TRAPPC10: variants seen among roughly 807,000 people sequenced by gnomAD.
TRAPPC10 encodes the protein trafficking protein particle complex subunit 10.
A neutral mutation model predicts 125.5 loss-of-function variants in TRAPPC10; 23 were observed. The observed-to-expected ratio is 0.18, with a 90% confidence interval of 0.13 to 0.26. The LOEUF is 0.26. TRAPPC10 is among the 10% of genes least tolerant of loss of function. The pLI is 1.00. For synonymous variants in TRAPPC10, 509 were observed against 518.0 expected, an observed-to-expected ratio of 0.98 and a Z score of 0.24; for missense variants, 1,123 against 1,308.4, an observed-to-expected ratio of 0.86 and a Z score of 2.19.
chr21:44,086,939 G>T lies in TRAPPC10; in HGVS notation c.2518G>T (p.Val840Leu). The T allele has an allele frequency of 6.2e-7, 1 of 1,614,158 alleles. No homozygotes were observed. Among genetic ancestry groups the T allele is most frequent in the Non-Finnish European group, 8.5e-7 (1 of 1,180,018 alleles). Residue 840 changes from valine to leucine, a missense_variant, in exon 16 of 23, where the codon GTG (valine) becomes TTG (leucine). Coordinates refer to ENST00000291574, the MANE Select transcript of TRAPPC10 (RefSeq NM_003274.5). ...CCTGTGCCAGGCGGAGAGCAGGGCT[G>T]TGGTCTACTCCAACACGAGAGGTGA... ...LILCQAESRA[V>L]VYSNTREQSS...
At chr21:44,062,464 T>C (rs949968049) in intron 6 of TRAPPC10, 2 of 838,730 alleles carry the variant, frequency 2.4e-6, no homozygotes, top group Admixed American at 6.2e-5. Context: ...GATAGGGCAC[T>C]GGAGTGGCCT....
In TRAPPC10 at chr21:44,063,449, C is replaced by G; in HGVS notation, c.791-89C>G. The G allele has an allele frequency of 6.5e-7, 1 of 1,540,030 alleles. No individual in the cohort carries two copies. ...ATAGAAAAACTGGTTATGAAGCTGC[C>G]TGTTTGCCCACCATCCTCAGCCTGA... is the stretch of plus-strand genomic sequence containing the variant. On this transcript the variant is annotated intron_variant, in intron 6 of 22. Transcript: ENST00000291574. This position sits in a 1 kb window ranked among gnomAD's most constrained non-coding sequence, Gnocchi z 4.4.
intron 20 of TRAPPC10, among the ~76,000 whole-genome samples, chr21:44,095,277 C>T (rs2038851025): frequency 1.3e-5 from 2 of 151,358 alleles, no homozygotes; most frequent in South Asian, 4.2e-4. Context: ...CGGAGTTTCA[C>T]ACTTGTTGCC....
intron 7 of TRAPPC10, among the ~76,000 whole-genome samples, chr21:44,069,449 TA>T (rs2036691485): frequency 1.3e-5 from 2 of 152,154 alleles, no homozygotes; most frequent in African/African-American, 2.4e-5. Context: ...AAGCCATTAT[TA>T]ATGAAGTACC....
intron 3 of TRAPPC10, among the ~76,000 whole-genome samples, chr21:44,050,410 G>T (rs2035155529): frequency 1.3e-5 from 2 of 152,028 alleles, no homozygotes; most frequent in African/African-American, 4.8e-5. Flanking sequence ...TGGGGGTGGG[G>T]AGGAGTCCAG....
At position 44,087,656 on chromosome 21, in the gene TRAPPC10, A is replaced by T. The variant is rs373194911; in HGVS notation, c.2540-43A>T. The T allele has an allele frequency of 1.9e-6, 3 of 1,569,856 alleles. No individual in the cohort carries two copies. Among genetic ancestry groups the T allele is most frequent in the Admixed American group, 1.7e-5 (1 of 59,918 alleles). ...TGCTGTAAGGAAAAGGACAAGTGAA[A>T]CCGAGGGAACAGCTTTGAAGTGACT... On this transcript the variant is annotated intron_variant, in intron 16 of 22. Transcript: ENST00000291574. This position sits in a 1 kb window ranked among gnomAD's most constrained non-coding sequence, Gnocchi z 4.6.
chr21:44,079,974 T>TAAGTATG, intron 12 of TRAPPC10, 41 bp from the exon 13 acceptor site: 3 of 1,567,762 alleles, frequency 1.9e-6, no homozygotes, highest in Non-Finnish European at 2.6e-6. Flanking sequence ...CCCGCACTCC[T>TAAGTATG]AAGTATGAGC....
chr21:44,055,239 G>A lies in TRAPPC10; in HGVS notation c.483-459G>A, dbSNP rs1236897804. Reference sequence around the variant, plus strand: ...CTGCTCGTGTTCATGACCAGTTCATGATGAAGCCTTTTCCTAACCTGGTTT... The same window carrying A: ...CTGCTCGTGTTCATGACCAGTTCATAATGAAGCCTTTTCCTAACCTGGTTT... On this transcript the variant is annotated intron_variant, in intron 4 of 22. Coordinates refer to ENST00000291574, the MANE Select transcript of TRAPPC10 (RefSeq NM_003274.5). Among the ~76,000 whole-genome samples, 8 of 152,098 alleles carry A rather than the reference G, an allele frequency of 5.3e-5. No individual in the cohort carries two copies. The South Asian group carries it at 1.2e-3, about 24-fold the overall frequency.
intron 4 of TRAPPC10, 83 bp from the exon 5 acceptor site, chr21:44,055,615 G>T: frequency 9.4e-7 from 1 of 1,058,664 alleles, no homozygotes; most frequent in Non-Finnish European, 1.3e-6. Context: ...GAAGAAAATT[G>T]CCGCTCAGGA....
chr21:44,054,126 T>TA (rs1285124995), intron 4 of TRAPPC10, among the ~76,000 whole-genome samples: 2 of 152,204 alleles, frequency 1.3e-5, no homozygotes, highest in Non-Finnish European at 2.9e-5. Flanking sequence ...GCCTTAAGGA[T>TA]AAACTACCTA....
chr21:44,068,013 G>A (rs970774803), intron 7 of TRAPPC10, among the ~76,000 whole-genome samples: 1 of 151,940 alleles, frequency 6.6e-6, no homozygotes, highest in Non-Finnish European at 1.5e-5. Context: ...CCAGCTACTC[G>A]GGAGGCTGGG....
Position 44,082,732 on chromosome 21 carries a change from G to A in TRAPPC10, c.1724-56G>A. The stretch of plus-strand genomic sequence containing the variant: ...CTTACTGTGTCCGCGGCCTGCTGCT[G>A]CTTACTGTCAGGAAGTGTGACTTGG... On this transcript the variant is annotated intron_variant, in intron 13 of 22. Coordinates refer to ENST00000291574, the MANE Select transcript of TRAPPC10 (RefSeq NM_003274.5). The surrounding 1 kb of genome is among the most constrained non-coding windows in gnomAD (Gnocchi z 4.4). 1 of 1,594,088 alleles carries A rather than the reference G, an allele frequency of 6.3e-7. No homozygotes were observed. Among genetic ancestry groups the A allele is most frequent in the Non-Finnish European group, 8.6e-7 (1 of 1,167,454 alleles).
At chr21:44,073,498 G>C (rs1021107576) in intron 7 of TRAPPC10, among the ~76,000 whole-genome samples, 1 of 152,172 alleles carries the variant, frequency 6.6e-6, no homozygotes, top group Non-Finnish European at 1.5e-5. Flanking sequence ...TTATACAGCA[G>C]GCGATTTTGC....
At chr21:44,095,626 C>T (rs913350937) in intron 20 of TRAPPC10, among the ~76,000 whole-genome samples, 3 of 151,924 alleles carry the variant, frequency 2.0e-5, no homozygotes, top group South Asian at 2.1e-4. Context: ...TGCAGTGGCG[C>T]GATCTCGGCT....
chr21:44,067,177 T>C (rs1416867935), intron 7 of TRAPPC10, among the ~76,000 whole-genome samples: 3 of 152,208 alleles, frequency 2.0e-5, no homozygotes, highest in Non-Finnish European at 4.4e-5. Context: ...GAACCGTGCA[T>C]GGGACGCCGT....
At chr21:44,032,380 T>TTTC (rs2033650754) in intron 2 of TRAPPC10, among the ~76,000 whole-genome samples, 2 of 33,888 alleles carry the variant, frequency 5.9e-5, no homozygotes, top group Admixed American at 2.2e-4. Context: ...CATGGTTTTC[T>TTTC]TTTTTTTTTT....
At chr21:44,035,785 A>T (rs1601606613) in intron 2 of TRAPPC10, among the ~76,000 whole-genome samples, 1 of 152,358 alleles carries the variant, frequency 6.6e-6, no homozygotes, top group South Asian at 2.1e-4. Context: ...CTCAAAAAAT[A>T]AAATGAAATA....
intron 3 of TRAPPC10, among the ~76,000 whole-genome samples, chr21:44,051,039 G>A (rs1320586805): frequency 1.3e-5 from 2 of 152,170 alleles, no homozygotes; most frequent in East Asian, 1.9e-4. Flanking sequence ...GAGTAGCTGG[G>A]ACTACAGGTG....
At chr21:44,013,527 A>G (rs528332690) in intron 1 of TRAPPC10, among the ~76,000 whole-genome samples, 2 of 152,314 alleles carry the variant, frequency 1.3e-5, no homozygotes, top group East Asian at 3.9e-4. Context: ...CTGGGTGCCC[A>G]GGCCACAGTA....
Sources: allele counts gnomAD v4.1 joint callset (sites outside exome capture counted in the v4.1 genomes callset), GRCh38; gene constraint gnomAD v4.1.1; non-coding constraint Gnocchi (gnomAD v3.1); transcripts MANE v1.5; gene names NCBI Gene and HGNC (gene_info 2026-07-23, HGNC 2026-07-21).